C3orf20: variants seen among roughly 807,000 people sequenced by gnomAD.
C3orf20 encodes the protein family with sequence similarity 149 member C, also known as uncharacterized protein C3orf20.
Under a neutral mutation model 88.3 loss-of-function variants are expected in C3orf20, and 76 were observed. The observed-to-expected ratio is 0.86, with a 90% confidence interval of 0.72 to 1.04. C3orf20 has a LOEUF of 1.04. Among genes scored for constraint, C3orf20 ranks in the 50% least tolerant of loss-of-function variants. The pLI is 0.00. For synonymous variants in C3orf20, 436 were observed against 437.4 expected (o/e 1.00, Z 0.04); for missense variants, 1,056 against 1,123.3 (o/e 0.94, Z 0.86).
chr3:14,684,150 C>G (rs1272001359), intron 3 of C3orf20, 92 bp from the exon 4 acceptor site: 36 of 1,533,732 alleles, frequency 2.3e-5, no homozygotes, highest in Non-Finnish European at 3.1e-5. Flanking sequence ...TCTACTCTAC[C>G]CTTCTTTCCT....
intron 12 of C3orf20, among the ~76,000 whole-genome samples, chr3:14,755,182 A>G (rs1341084943): frequency 6.6e-6 from 1 of 152,026 alleles, no homozygotes; most frequent in East Asian, 1.9e-4. Context: ...AGGAGTTTCA[A>G]ATATGTTTCT....
At chr3:14,771,512 A>G (rs562180628) in intron 15 of C3orf20, among the ~76,000 whole-genome samples, 15 of 152,364 alleles carry the variant, frequency 9.8e-5, no homozygotes, top group South Asian at 2.1e-4. Flanking sequence ...TCCTTGGCCT[A>G]TGGCCACAGA....
intron 12 of C3orf20, among the ~76,000 whole-genome samples, chr3:14,741,450 C>G (rs1054876692): frequency 6.6e-6 from 1 of 152,196 alleles, no homozygotes; most frequent in Non-Finnish European, 1.5e-5. Context: ...TAGTTTCTCT[C>G]TTTTACCAGA....
intron 9 of C3orf20, among the ~76,000 whole-genome samples, chr3:14,717,406 G>T (rs1021290553): frequency 6.6e-6 from 1 of 152,182 alleles, no homozygotes; most frequent in Non-Finnish European, 1.5e-5. Context: ...GTGAGTGTGT[G>T]TGATTCACAT....
chr3:14,699,856 G>A (rs1388489697), intron 5 of C3orf20, among the ~76,000 whole-genome samples: 4 of 152,162 alleles, frequency 2.6e-5, no homozygotes, highest in African/African-American at 9.7e-5. Flanking sequence ...TTGCGGCCTA[G>A]GCTGCCTTTC....
Position 14,728,529 on chromosome 3 carries a change from C to T in C3orf20, c.1781C>T (p.Pro594Leu). Residue 594 changes from proline to leucine, a missense_variant, in exon 12 of 17, where the codon CCC (proline) becomes CTC (leucine). Pro to Leu is a moderately conservative substitution (Grantham distance 98, BLOSUM62 -3). Coordinates refer to ENST00000253697, the MANE Select transcript of C3orf20 (RefSeq NM_032137.5). Reference sequence around the variant, plus strand: ...TCCAGAACTCATCCCGAGCGGCTCCCCAAGCTAAGTTTATACTCAGGAGAA... The same window carrying T: ...TCCAGAACTCATCCCGAGCGGCTCCTCAAGCTAAGTTTATACTCAGGAGAA... Reference protein sequence around the residue: ...MRSRTHPERLPKLSLYSGESL... With the variant: ...MRSRTHPERLLKLSLYSGESL... The T allele has an allele frequency of 6.2e-7, 1 of 1,614,182 alleles. No homozygotes were observed. Among genetic ancestry groups the T allele is most frequent in the East Asian group, 2.2e-5 (1 of 44,890 alleles).
At chr3:14,690,423 C>G (rs1056590797) in intron 5 of C3orf20, among the ~76,000 whole-genome samples, 2 of 152,310 alleles carry the variant, frequency 1.3e-5, no homozygotes, top group Admixed American at 6.5e-5. Context: ...TCTCTTCTAT[C>G]CCTACAGTAT....
intron 12 of C3orf20, among the ~76,000 whole-genome samples, chr3:14,734,721 A>G (rs1436880774): frequency 6.6e-6 from 1 of 152,080 alleles, no homozygotes; most frequent in East Asian, 1.9e-4. Flanking sequence ...TAATTTATTA[A>G]TCATATTGCT....
At chr3:14,758,694 C>A (rs2035464026) in intron 13 of C3orf20, among the ~76,000 whole-genome samples, 1 of 152,180 alleles carries the variant, frequency 6.6e-6, no homozygotes, top group Non-Finnish European at 1.5e-5. Flanking sequence ...TGCATGGACA[C>A]CCTCCTCCCA....
intron 12 of C3orf20, among the ~76,000 whole-genome samples, chr3:14,734,650 A>G (rs1000310346): frequency 2.6e-5 from 4 of 152,154 alleles, no homozygotes; most frequent in Non-Finnish European, 5.9e-5. Context: ...AGCTAAAATG[A>G]TGCATATTCT....
chr3:14,749,360 A>C (rs2035154050), intron 12 of C3orf20, among the ~76,000 whole-genome samples: 1 of 152,132 alleles, frequency 6.6e-6, no homozygotes, highest in Non-Finnish European at 1.5e-5. Context: ...GTTTGTTTAG[A>C]CATGGGGTAT....
intron 4 of C3orf20, among the ~76,000 whole-genome samples, chr3:14,688,343 A>C (rs1397817154): frequency 6.6e-6 from 1 of 151,974 alleles, no homozygotes; most frequent in Admixed American, 6.6e-5. Context: ...CAGCCTGGCC[A>C]ACATGATGAA....
intron 8 of C3orf20, 90 bp from the exon 9 acceptor site, chr3:14,715,199 G>A: frequency 6.6e-7 from 1 of 1,505,968 alleles, no homozygotes; most frequent in Non-Finnish European, 9.0e-7. Flanking sequence ...CTGGGACTGA[G>A]TCTTACAGAC....
chr3:14,691,188 G>A (rs932703049), intron 5 of C3orf20, among the ~76,000 whole-genome samples: 20 of 152,300 alleles, frequency 1.3e-4, no homozygotes, highest in African/African-American at 4.6e-4. Context: ...TCCTCCTTCC[G>A]GGCACGGAGT....
intron 7 of C3orf20, among the ~76,000 whole-genome samples, chr3:14,707,381 G>C (rs2033553266): frequency 6.6e-6 from 1 of 151,922 alleles, no homozygotes; most frequent in African/African-American, 2.4e-5. Context: ...GTGGGTGTGA[G>C]TGGTATCTCA....
intron 5 of C3orf20, among the ~76,000 whole-genome samples, chr3:14,691,766 A>C (rs1034996758): frequency 1.3e-5 from 2 of 152,178 alleles, no homozygotes; most frequent in African/African-American, 4.8e-5. Context: ...CAAACAATTC[A>C]ATTGTACTCT....
Position 14,714,158 on chromosome 3 carries a change from A to G in C3orf20, c.1312A>G (p.Ser438Gly). Residue 438 changes from serine (S) to glycine (G), a missense_variant and splice_region_variant, in exon 8 of 17, where the codon AGT becomes GGT. Coordinates refer to ENST00000253697, the MANE Select transcript of C3orf20 (RefSeq NM_032137.5). ...CTGTGTTCACTACAACCTAAAAACCAGGTAAGTGGACTGGGAGAGTACTAG... is the reference window on the plus strand; with the variant it reads ...CTGTGTTCACTACAACCTAAAAACCGGGTAAGTGGACTGGGAGAGTACTAG... The part of the protein sequence containing the change: ...QGCVHYNLKT[S>G]CPYVLILDEE... 1 of 1,613,650 alleles carries G rather than the reference A, an allele frequency of 6.2e-7. No homozygotes were observed. Among genetic ancestry groups the G allele is most frequent in the South Asian group, 1.1e-5 (1 of 91,060 alleles).
intron 12 of C3orf20, among the ~76,000 whole-genome samples, chr3:14,738,381 T>G (rs144166851): frequency 6.6e-6 from 1 of 150,796 alleles, no homozygotes; most frequent in Non-Finnish European, 1.5e-5. Context: ...CAGGCTGGAG[T>G]GCAGTGGCGT....
chr3:14,761,584 G>A lies in C3orf20; in HGVS notation c.2464G>A (p.Gly822Ser). The change falls in exon 15 of 17, where the codon GGC becomes AGC. Residue 822 changes from glycine (G) to serine (S), a missense_variant. Transcript: ENST00000253697. ...CCGGTCTCAACAGGATTACAAGATG[G>A]GCTACTTCCTGCCGGATGACTACAA... ...IFRSQQDYKM[G>S]YFLPDDYKFS... 6.2e-7 allele frequency: 1 copy of A among 1,614,092 alleles called. No individual in the cohort carries two copies. The highest frequency in any genetic ancestry group is 8.5e-7 in the Non-Finnish European group (1 of 1,180,038).
Sources: gnomAD v4.1 joint callset for allele counts (sites outside exome capture counted in the v4.1 genomes callset) on GRCh38, gnomAD v4.1.1 for gene constraint, MANE v1.5 for transcripts, NCBI Gene and HGNC (gene_info 2026-07-23, HGNC 2026-07-21) for gene names.